Variants in PLOD2 observed in about 807,000 individuals in gnomAD.
The protein encoded by PLOD2 is lysine hydroxylase 2.
Under a neutral mutation model 101.0 loss-of-function variants are expected in PLOD2, and 65 were observed. The observed-to-expected ratio is 0.64, with a 90% CI of 0.53 to 0.79. The LOEUF (loss-of-function observed/expected upper bound fraction) is 0.79, where lower values mean the gene tolerates loss of function less well. PLOD2 is among the 30% of genes least tolerant of loss of function. The pLI is 0.00. For synonymous variants in PLOD2, 314 were observed against 302.9 expected (o/e 1.04, Z -0.38); for missense variants, 909 against 914.6 (o/e 0.99, Z 0.08).
intron 6 of PLOD2, among the ~76,000 whole-genome samples, chr3:146,103,686 T>A (rs959530380): frequency 6.6e-6 from 1 of 152,104 alleles, no homozygotes; most frequent in African/African-American, 2.4e-5. Context: ...ATATTCTCAA[T>A]TTTTATATGT....
At chr3:146,145,090 T>C (rs1231248202) in intron 1 of PLOD2, among the ~76,000 whole-genome samples, 1 of 152,144 alleles carries the variant, frequency 6.6e-6, no homozygotes, top group Non-Finnish European at 1.5e-5. Flanking sequence ...CTGTCATTTC[T>C]TACTAGAGCT....
rs1165380908 is a variant in PLOD2, at chr3:146,079,227, A to T, written c.1389T>A (p.Asn463Lys). ...VGVWNVPYMA[N>K]VYLIKGKTLR... ...GTGTCTTTCCTTTAATTAAGTACAC[A>T]TTAGCCATATATGGGACATTCCATA... is the stretch of plus-strand genomic sequence containing the variant. The change falls in exon 13 of 20, where the codon AAT becomes AAA. Residue 463 changes from asparagine to lysine, a missense_variant. By Grantham distance (94) the Asn-to-Lys change is moderately conservative. Transcript: ENST00000282903. 1 of 1,608,720 alleles carries T rather than the reference A, an allele frequency of 6.2e-7. No homozygotes were observed. Among genetic ancestry groups the T allele is most frequent in the Non-Finnish European group, 8.5e-7 (1 of 1,175,350 alleles).
intron 7 of PLOD2, among the ~76,000 whole-genome samples, chr3:146,097,249 T>C (rs1937226768): frequency 6.7e-6 from 1 of 150,110 alleles, no homozygotes; most frequent in Non-Finnish European, 1.5e-5. Context: ...CCGCCCCTAC[T>C]GGGAAGTGAG....
chr3:146,122,120 A>G, intron 2 of PLOD2, among the ~76,000 whole-genome samples: 1 of 152,206 alleles, frequency 6.6e-6, no homozygotes, highest in Admixed American at 6.6e-5. Flanking sequence ...ACTAGTTCTA[A>G]CTTTACTTAA....
intron 7 of PLOD2, among the ~76,000 whole-genome samples, chr3:146,100,700 G>A (rs1214421217): frequency 6.6e-6 from 1 of 152,186 alleles, no homozygotes; most frequent in Non-Finnish European, 1.5e-5. Flanking sequence ...AGAAGAAATT[G>A]AATGTGAAGA....
Position 146,070,566 on chromosome 3 carries a change from TAA to T in PLOD2, c.*149_*150del, listed in dbSNP as rs898322226. On this transcript the variant is annotated 3_prime_UTR_variant, in exon 20 of 20. Transcript: ENST00000282903. ...TTAAGAAATATCAAACAATTTTTTATAAAAAGTTTTTCAAATGTTTGGCCCAA... is the reference window on the plus strand; with the variant it reads ...TTAAGAAATATCAAACAATTTTTTATAAAGTTTTTCAAATGTTTGGCCCAA... 1.8e-6 allele frequency: 1 copy of T among 560,844 alleles called. No homozygotes were observed. The highest frequency in any genetic ancestry group is 3.2e-6 in the Non-Finnish European group (1 of 313,908). The allele number at this position is 560,844 out of a possible 1,614,324, so 34.7% of individuals were successfully genotyped here.
intron 3 of PLOD2, among the ~76,000 whole-genome samples, chr3:146,111,287 A>G (rs1200107602): frequency 6.6e-6 from 1 of 152,192 alleles, no homozygotes; most frequent in Non-Finnish European, 1.5e-5. Context: ...TGATAAATTA[A>G]TGACTTACCA....
chr3:146,072,467 C>T (rs1449147796), intron 17 of PLOD2, 94 bp downstream of exon 17: 1 of 819,860 alleles, frequency 1.2e-6, no homozygotes, highest in East Asian at 2.6e-5. Flanking sequence ...AACTCAGAGA[C>T]ATATGAGAAA....
intron 13 of PLOD2, among the ~76,000 whole-genome samples, 179 bp downstream of exon 13, chr3:146,078,937 A>G (rs912732717): frequency 2.0e-5 from 3 of 151,940 alleles, no homozygotes; most frequent in Admixed American, 2.0e-4. Context: ...TACCATTTCT[A>G]TAAGTAAATG....
rs1936095846 is a variant in PLOD2, at chr3:146,070,724, T to A, written c.2270A>T (p.Asp757Val). Reference protein sequence around the residue: ...GTRYIAVSFIDP With the variant: ...GTRYIAVSFIVP Reference sequence around the variant, plus strand: ...CAATGAAAAGTAAATAACTTAGGGATCTATAAATGACACTGCAATGTATCT... The same window carrying A: ...CAATGAAAAGTAAATAACTTAGGGAACTATAAATGACACTGCAATGTATCT... Residue 757 changes from aspartate (D) to valine (V), a missense_variant, in exon 20 of 20, where the codon GAT becomes GTT. Coordinates refer to ENST00000282903, the MANE Select transcript of PLOD2 (RefSeq NM_182943.3). The A allele has an allele frequency of 6.3e-7, 1 of 1,599,412 alleles. No individual in the cohort carries two copies. Among genetic ancestry groups the A allele is most frequent in the Admixed American group, 1.7e-5 (1 of 59,446 alleles).
At chr3:146,098,434 AAT>A (rs1261905252) in intron 7 of PLOD2, among the ~76,000 whole-genome samples, 3 of 152,150 alleles carry the variant, frequency 2.0e-5, no homozygotes, top group Admixed American at 6.5e-5. Context: ...AAAATACCTA[AAT>A]ATGTTTTAAA....
intron 7 of PLOD2, among the ~76,000 whole-genome samples, chr3:146,093,746 A>T (rs954155677): frequency 1.1e-4 from 16 of 152,312 alleles, no homozygotes; most frequent in African/African-American, 3.8e-4. Context: ...TCTTATTAAA[A>T]ATGTAAAATT....
chr3:146,080,310 GAAC>G (rs1309618260), intron 12 of PLOD2, among the ~76,000 whole-genome samples: 9 of 151,808 alleles, frequency 5.9e-5, no homozygotes, highest in African/African-American at 1.9e-4. Context: ...AACAATAATA[GAAC>G]AACTATAACA....
intron 1 of PLOD2, among the ~76,000 whole-genome samples, chr3:146,148,879 G>A (rs1283915802): frequency 6.6e-6 from 1 of 152,190 alleles, no homozygotes; most frequent in Admixed American, 6.5e-5. Flanking sequence ...ATGCACACTG[G>A]ACCATAGGCT....
In PLOD2 at chr3:146,072,471, T is replaced by G. The variant is rs976074637; in HGVS notation, c.1848+90A>C. ...TCTAAGTCTAGAACTCAGAGACATA[T>G]GAGAAAAAGTATATAACCCCTCCGA... On this transcript the variant is annotated intron_variant, in intron 17 of 19. Transcript: ENST00000282903. The G allele has an allele frequency of 9.1e-5, 76 of 836,580 alleles. No homozygotes were observed. The Admixed American group carries it at 1.4e-3, about 15-fold the overall frequency. The allele number at this position is 836,580 out of a possible 1,614,324, so 51.8% of individuals were successfully genotyped here. A position where few individuals can be genotyped will look rare whatever the true frequency, so the allele number is the denominator to read the frequency against.
intron 1 of PLOD2, among the ~76,000 whole-genome samples, chr3:146,133,031 C>A (rs935427728): frequency 2.0e-5 from 3 of 152,030 alleles, no homozygotes; most frequent in African/African-American, 7.2e-5. Flanking sequence ...AAAAAATTAG[C>A]CGGGTGTGGT....
chr3:146,094,082 G>A (rs3804662), intron 7 of PLOD2, among the ~76,000 whole-genome samples: 1 of 152,124 alleles, frequency 6.6e-6, no homozygotes, highest in South Asian at 2.1e-4. Flanking sequence ...GGTGCAGAAG[G>A]CTGTTTATGC....
At chr3:146,159,466 T>C (rs2032461611) in intron 1 of PLOD2, among the ~76,000 whole-genome samples, 1 of 152,230 alleles carries the variant, frequency 6.6e-6, no homozygotes, top group Non-Finnish European at 1.5e-5. Context: ...CCTCTCTAAA[T>C]ATTACAAAGT....
rs1413215458 is a variant in PLOD2, at chr3:146,070,044, T to G, written c.*673A>C. On this transcript the variant is annotated 3_prime_UTR_variant, in exon 20 of 20. Transcript: ENST00000282903. The stretch of plus-strand genomic sequence containing the variant: ...AATATAATCCACTTTGGAAGATTCA[T>G]CTGAAAGAAACATAGGGTTTGATTT... 1 of 151,924 alleles carries G rather than the reference T, an allele frequency of 6.6e-6. No homozygotes were observed. The highest frequency in any genetic ancestry group is 2.1e-4 in the South Asian group (1 of 4,828). 9.4% of individuals were successfully genotyped at this position (151,924 alleles called of 1,614,324 possible).
Sources: gnomAD v4.1 joint callset for allele counts (sites outside exome capture counted in the v4.1 genomes callset) on GRCh38, gnomAD v4.1.1 for gene constraint, MANE v1.5 for transcripts, NCBI Gene and HGNC (gene_info 2026-07-23, HGNC 2026-07-21) for gene names.